AGO2: variants seen among roughly 807,000 people sequenced by gnomAD.
AGO2 encodes protein argonaute-2.
A neutral mutation model predicts 102.3 loss-of-function variants in AGO2; 5 were observed. The observed-to-expected ratio is 0.05, with a 90% CI of 0.03 to 0.10. The LOEUF is 0.10. AGO2 is among the 10% of genes least tolerant of loss of function. The probability of loss-of-function intolerance (pLI) is 1.00; values close to 1 mark genes in which losing one functional copy is unlikely to be tolerated. For synonymous variants in AGO2, 449 were observed against 473.1 expected, an observed-to-expected ratio of 0.95 and a Z score of 0.66; for missense variants, 541 against 1,183.7, an observed-to-expected ratio of 0.46 and a Z score of 7.97.
intron 1 of AGO2, among the ~76,000 whole-genome samples, chr8:140,609,467 C>T (rs1024490121): frequency 3.3e-5 from 5 of 152,224 alleles, no homozygotes; most frequent in Admixed American, 1.3e-4. Context: ...CAGGTCGGCA[C>T]GGCGGCCCGC....
chr8:140,571,841 G>A (rs957919851), intron 3 of AGO2, among the ~76,000 whole-genome samples: 5 of 152,168 alleles, frequency 3.3e-5, no homozygotes, highest in Admixed American at 1.3e-4. Flanking sequence ...CGCCTCCCAG[G>A]TTCAAGCGAT....
chr8:140,595,949 T>TATATA (rs1554708941), intron 1 of AGO2, among the ~76,000 whole-genome samples: 22 of 113,758 alleles, frequency 1.9e-4, no homozygotes, highest in Non-Finnish European at 6.7e-5. Flanking sequence ...ATATATATTT[T>TATATA]ATATATAATA....
intron 1 of AGO2, chr8:140,626,362 TA>T (rs1387783793): frequency 6.6e-6 from 1 of 152,070 alleles, no homozygotes; most frequent in Non-Finnish European, 1.5e-5. Flanking sequence ...GCTTGCAAAG[TA>T]AAGACCCAGA....
At chr8:140,613,946 T>C (rs186064762) in intron 1 of AGO2, among the ~76,000 whole-genome samples, 153 of 135,584 alleles carry the variant, frequency 1.1e-3, no homozygotes, top group African/African-American at 3.3e-3. Context: ...GTGCAGGAGG[T>C]TGAAACTGCA....
At chr8:140,634,112 G>C (rs1190068498) in intron 1 of AGO2, among the ~76,000 whole-genome samples, 1 of 152,236 alleles carries the variant, frequency 6.6e-6, no homozygotes, top group Non-Finnish European at 1.5e-5. Flanking sequence ...CCAGGACTGC[G>C]GCCCCTCCCA....
chr8:140,619,497 G>A (rs150931356), intron 1 of AGO2, among the ~76,000 whole-genome samples: 2 of 152,194 alleles, frequency 1.3e-5, no homozygotes, highest in East Asian at 1.9e-4. Flanking sequence ...CAGACCTGGC[G>A]CCAGGGACCG....
At position 140,531,757 on chromosome 8, in the gene AGO2, G is replaced by T; in HGVS notation, c.*287C>A. 3.4e-6 allele frequency: 1 copy of T among 293,604 alleles called. No individual in the cohort carries two copies. 18.2% of individuals were successfully genotyped at this position (293,604 alleles called of 1,614,324 possible). ...TTTTAAAGCCCTGAGTTCATAGACTGGTTTTAGGAGATTTTTAGGACACAC... is the reference window on the plus strand; with the variant it reads ...TTTTAAAGCCCTGAGTTCATAGACTTGTTTTAGGAGATTTTTAGGACACAC... On this transcript the variant is annotated 3_prime_UTR_variant, in exon 19 of 19. Coordinates refer to ENST00000220592, the MANE Select transcript of AGO2 (RefSeq NM_012154.5).
chr8:140,578,218 A>AT (rs1564097080), intron 2 of AGO2, among the ~76,000 whole-genome samples: 3 of 152,118 alleles, frequency 2.0e-5, no homozygotes, highest in African/African-American at 7.2e-5. Context: ...TAATTCTAAC[A>AT]CGGGGGGTCC....
At chr8:140,535,152 G>A (rs1247335171) in intron 17 of AGO2, among the ~76,000 whole-genome samples, 6 of 152,184 alleles carry the variant, frequency 3.9e-5, no homozygotes, top group African/African-American at 9.7e-5. Flanking sequence ...CAGCCCCAGC[G>A]CCTCAATCCT....
At chr8:140,614,826 G>A (rs948512700) in intron 1 of AGO2, among the ~76,000 whole-genome samples, 1 of 152,282 alleles carries the variant, frequency 6.6e-6, no homozygotes, top group South Asian at 2.1e-4. Flanking sequence ...CAAGCACCTG[G>A]CACTCAGCAT....
intron 18 of AGO2, 36 bp downstream of exon 18, chr8:140,532,380 C>A: frequency 6.3e-7 from 1 of 1,591,820 alleles, no homozygotes; most frequent in Non-Finnish European, 8.6e-7. Flanking sequence ...GCAAAAACCA[C>A]CCCTGCTGTG....
intron 2 of AGO2, among the ~76,000 whole-genome samples, chr8:140,574,764 G>A (rs1317947318): frequency 1.3e-5 from 2 of 152,152 alleles, no homozygotes; most frequent in South Asian, 2.1e-4. Flanking sequence ...GGTAAAGAGC[G>A]AGAGAGGAGT....
chr8:140,584,048 C>G (rs947874930), intron 2 of AGO2, among the ~76,000 whole-genome samples: 1 of 151,226 alleles, frequency 6.6e-6, no homozygotes, highest in African/African-American at 2.4e-5. Flanking sequence ...TTGGTTCTGT[C>G]GCTCCGGAGG....
chr8:140,552,768 A>G (rs2073024744), intron 10 of AGO2, among the ~76,000 whole-genome samples: 1 of 127,770 alleles, frequency 7.8e-6, no homozygotes. Flanking sequence ...ACACACACAC[A>G]CACACTCTTA....
chr8:140,574,000 G>A (rs759063393), intron 2 of AGO2, among the ~76,000 whole-genome samples: 10 of 152,194 alleles, frequency 6.6e-5, no homozygotes, highest in Non-Finnish European at 8.8e-5. Flanking sequence ...GGTATGAGAC[G>A]GATGCTTGCT....
intron 1 of AGO2, among the ~76,000 whole-genome samples, chr8:140,612,321 T>C (rs922448051): frequency 2.6e-5 from 4 of 151,146 alleles, no homozygotes; most frequent in African/African-American, 7.3e-5. Flanking sequence ...TGTGATTAAA[T>C]GTGTCACTGC....
intron 14 of AGO2, 105 bp downstream of exon 14, chr8:140,544,108 C>G (rs1238356100): frequency 2.4e-6 from 3 of 1,266,340 alleles, no homozygotes; most frequent in Non-Finnish European, 3.2e-6. Context: ...TTAGTGAGAC[C>G]CCATGCCTTT....
intron 13 of AGO2, among the ~76,000 whole-genome samples, chr8:140,546,299 G>A (rs1466673971): frequency 2.0e-5 from 3 of 152,192 alleles, no homozygotes; most frequent in African/African-American, 7.2e-5. Flanking sequence ...CGTGTAACTC[G>A]GTAGCTCTCA....
intron 10 of AGO2, among the ~76,000 whole-genome samples, chr8:140,554,098 C>T (rs2073052904): frequency 6.6e-6 from 1 of 152,246 alleles, no homozygotes; most frequent in Non-Finnish European, 1.5e-5. Flanking sequence ...TTGCTAACAG[C>T]TGAAGCCCGA....
Sources: gnomAD v4.1 joint callset for allele counts (sites outside exome capture counted in the v4.1 genomes callset) on GRCh38, gnomAD v4.1.1 for gene constraint, MANE v1.5 for transcripts, NCBI Gene and HGNC (gene_info 2026-07-23, HGNC 2026-07-21) for gene names.